Variants in LRRC2 observed in about 807,000 individuals in gnomAD.
LRRC2 encodes leucine rich repeat containing 2.
Under a neutral mutation model 40.2 loss-of-function variants are expected in LRRC2, and 27 were observed. The observed-to-expected ratio is 0.67, with a 90% CI of 0.49 to 0.93. LRRC2 has a LOEUF of 0.93. Ranked by LOEUF, LRRC2 falls within the 40% of genes least tolerant of loss-of-function variation. The probability of loss-of-function intolerance (pLI) is 0.00; values close to 1 mark genes in which losing one functional copy is unlikely to be tolerated. For missense variants in LRRC2, 402 were observed against 439.6 expected (o/e 0.91, Z 0.76); for synonymous variants, 147 against 158.9 (o/e 0.92, Z 0.56).
At chr3:46,528,210 G>A (rs1304360980) in intron 6 of LRRC2, among the ~76,000 whole-genome samples, 2 of 151,996 alleles carry the variant, frequency 1.3e-5, no homozygotes, top group African/African-American at 4.8e-5. Context: ...GCATTTACAA[G>A]GGTTAACAGA....
chr3:46,546,315 G>A (rs568705220), intron 2 of LRRC2, among the ~76,000 whole-genome samples: 105 of 152,352 alleles, frequency 6.9e-4, no homozygotes, highest in African/African-American at 2.4e-3. Context: ...AGGCTGTAGG[G>A]TGGCACTGTG....
chr3:46,562,133 TG>T (rs1320944160), intron 1 of LRRC2, among the ~76,000 whole-genome samples: 3 of 152,200 alleles, frequency 2.0e-5, no homozygotes, highest in Admixed American at 6.5e-5. Context: ...GTGAAAGTAA[TG>T]GTGTGTGGCT....
intron 2 of LRRC2, 32 bp downstream of exon 2, chr3:46,551,435 A>T (rs1375746333): frequency 6.3e-7 from 1 of 1,599,836 alleles, no homozygotes. Flanking sequence ...TTCACCAAAC[A>T]AGCTACAAGA....
intron 1 of LRRC2, among the ~76,000 whole-genome samples, chr3:46,561,442 A>G (rs775019159): frequency 6.6e-6 from 1 of 152,166 alleles, no homozygotes; most frequent in Non-Finnish European, 1.5e-5. Context: ...GGTCCCAGCT[A>G]CTAAGGAGGT....
chr3:46,565,861 G>T (rs575945499), intron 1 of LRRC2, among the ~76,000 whole-genome samples: 2 of 152,322 alleles, frequency 1.3e-5, no homozygotes, highest in East Asian at 1.9e-4. Flanking sequence ...CTTGGGCGCC[G>T]GAGCAGTACG....
chr3:46,517,943 T>C lies in LRRC2; in HGVS notation c.*1071A>G, dbSNP rs1703894783. The stretch of plus-strand genomic sequence containing the variant: ...TCATCTCCATTACCCTACATGGCCA[T>C]CTTGGAGGAAGGGACCCTGAGGGCG... On this transcript the variant is annotated 3_prime_UTR_variant, in exon 9 of 9. Coordinates refer to ENST00000395905, the MANE Select transcript of LRRC2 (RefSeq NM_024512.5). 6.6e-6 allele frequency: 1 copy of C among 152,348 alleles called. No homozygotes were observed. The highest frequency in any genetic ancestry group is 1.5e-5 in the Non-Finnish European group (1 of 68,160). 9.4% of individuals were successfully genotyped at this position (152,348 alleles called of 1,614,324 possible). A position where few individuals can be genotyped will look rare whatever the true frequency, so the allele number is the denominator to read the frequency against.
At chr3:46,532,111 TA>T (rs1198826696) in intron 5 of LRRC2, among the ~76,000 whole-genome samples, 1 of 152,194 alleles carries the variant, frequency 6.6e-6, no homozygotes, top group East Asian at 1.9e-4. Context: ...TATGAGTATA[TA>T]AAAAATTTTA....
intron 1 of LRRC2, among the ~76,000 whole-genome samples, chr3:46,557,009 A>G (rs972017768): frequency 6.6e-6 from 1 of 152,138 alleles, no homozygotes; most frequent in African/African-American, 2.4e-5. Flanking sequence ...TTTCAGATAA[A>G]TCTTCTCTTC....
chr3:46,551,982 G>A (rs1164341496), intron 1 of LRRC2, among the ~76,000 whole-genome samples: 3 of 151,752 alleles, frequency 2.0e-5, no homozygotes, highest in African/African-American at 7.3e-5. Context: ...TTAATTTTTT[G>A]TGGAGACAGG....
chr3:46,548,725 G>A (rs535736337), intron 2 of LRRC2, among the ~76,000 whole-genome samples: 1 of 152,158 alleles, frequency 6.6e-6, no homozygotes, highest in African/African-American at 2.4e-5. Flanking sequence ...TAAATCAGCA[G>A]TCCTCAACCT....
intron 1 of LRRC2, among the ~76,000 whole-genome samples, chr3:46,554,034 T>C (rs1055801220): frequency 1.3e-5 from 2 of 151,980 alleles, no homozygotes; most frequent in Non-Finnish European, 2.9e-5. Context: ...TTGTTTTTTT[T>C]CCTGAGACAG....
intron 4 of LRRC2, among the ~76,000 whole-genome samples, chr3:46,533,903 CT>C (rs1374956200): frequency 6.7e-5 from 8 of 119,064 alleles, no homozygotes; most frequent in South Asian, 2.7e-4. Flanking sequence ...CCTTTCTTTT[CT>C]TTTTTTTTTA....
At chr3:46,530,763 C>T (rs959615857) in intron 5 of LRRC2, among the ~76,000 whole-genome samples, 5 of 152,276 alleles carry the variant, frequency 3.3e-5, no homozygotes, top group African/African-American at 1.2e-4. Context: ...CTCACGAGAA[C>T]AGCACAAGAA....
intron 2 of LRRC2, among the ~76,000 whole-genome samples, chr3:46,546,523 C>A (rs888544446): frequency 6.6e-6 from 1 of 152,176 alleles, no homozygotes; most frequent in East Asian, 1.9e-4. Context: ...AATGCCGGAG[C>A]CTCCAGGGGA....
intron 2 of LRRC2, 36 bp from the exon 3 acceptor site, chr3:46,545,289 GGGGACT>G: frequency 1.3e-6 from 2 of 1,591,924 alleles, no homozygotes; most frequent in South Asian, 1.1e-5. Flanking sequence ...TTACTCTCCT[GGGGACT>G]GGCCATCACC....
At chr3:46,566,023 C>G (rs146359965) in intron 1 of LRRC2, among the ~76,000 whole-genome samples, 154 bp downstream of exon 1, 75 of 152,332 alleles carry the variant, frequency 4.9e-4, no homozygotes, top group Non-Finnish European at 4.0e-4. Context: ...GGACGTTTAC[C>G]CCTGTCGCTC....
At position 46,533,743 on chromosome 3, in the gene LRRC2, TTC is replaced by T. The variant is rs869048841; in HGVS notation, c.491-836_491-835del. Among the ~76,000 whole-genome samples the T allele has an allele frequency of 8.6e-4, 97 of 112,914 alleles. 1 individual carries two copies. Among genetic ancestry groups the T allele is most frequent in the Middle Eastern group, 9.1e-3 (2 of 220 alleles). 74.1% of individuals were successfully genotyped at this position (112,914 alleles called of 152,430 possible). On this transcript the variant is annotated intron_variant, in intron 4 of 8. Transcript: ENST00000395905. ...CTTCCTTCCTTCCTTCCTTCCTTCC[TTC>T]CTTCTTCCTTCCCTCCCTCCCTCCC...
intron 7 of LRRC2, among the ~76,000 whole-genome samples, chr3:46,522,909 C>G (rs1703992108): frequency 6.6e-6 from 1 of 151,998 alleles, no homozygotes; most frequent in African/African-American, 2.4e-5. Context: ...CAATTCAAAA[C>G]AGTAAATCTC....
At position 46,539,016 on chromosome 3, in the gene LRRC2, G is replaced by GC. The variant is rs1364373264; in HGVS notation, c.490+28dup. The GC allele has an allele frequency of 2.5e-6, 4 of 1,607,728 alleles. No individual in the cohort carries two copies. The African/African-American group carries it at 5.4e-5, about 22-fold the overall frequency. ...CAGCTGCCTGCTTAACACACCAGAGGCCCGAAGACCCCTGCTAAGTTGACA... is the reference window on the plus strand; with the variant it reads ...CAGCTGCCTGCTTAACACACCAGAGGCCCCGAAGACCCCTGCTAAGTTGACA... On this transcript the variant is annotated intron_variant, in intron 4 of 8. Coordinates refer to ENST00000395905, the MANE Select transcript of LRRC2 (RefSeq NM_024512.5).
Sources: allele counts gnomAD v4.1 joint callset (sites outside exome capture counted in the v4.1 genomes callset), GRCh38; gene constraint gnomAD v4.1.1; transcripts MANE v1.5; gene names NCBI Gene and HGNC (gene_info 2026-07-23, HGNC 2026-07-21).